NRXN2: variants seen among roughly 807,000 people sequenced by gnomAD.
The protein encoded by NRXN2 is neurexin 2.
In NRXN2, 29 loss-of-function variants were observed where a neutral mutation model predicts 128.8. The observed-to-expected ratio is 0.23, with a 90% confidence interval of 0.17 to 0.31. NRXN2 has a LOEUF of 0.31. Among genes scored for constraint, NRXN2 ranks in the 10% least tolerant of loss-of-function variants. The pLI is 1.00. For synonymous variants in NRXN2, 1,098 were observed against 1,075.2 expected, an observed-to-expected ratio of 1.02 and a Z score of -0.41; for missense variants, 1,881 against 2,452.6, an observed-to-expected ratio of 0.77 and a Z score of 4.92.
chr11:64,639,438 C>G (rs1418311775), intron 17 of NRXN2, among the ~76,000 whole-genome samples: 1 of 152,208 alleles, frequency 6.6e-6, no homozygotes. Context: ...AAGCTACTGA[C>G]TCAGAAATTA....
chr11:64,667,820 C>T lies in NRXN2; in HGVS notation c.1360-132G>A. 9 of 782,160 alleles carry T rather than the reference C, an allele frequency of 1.2e-5. No individual in the cohort carries two copies. The highest frequency in any genetic ancestry group is 1.7e-5 in the Non-Finnish European group (8 of 458,714). 48.5% of individuals were successfully genotyped at this position (782,160 alleles called of 1,614,324 possible). The stretch of plus-strand genomic sequence containing the variant: ...GCCCCTGCTCAGTTCCACCAGACCA[C>T]CCGCTTAGGCCTCTGTTCTACAGCT... On this transcript the variant is annotated intron_variant, in intron 8 of 22. Coordinates refer to ENST00000265459, the MANE Select transcript of NRXN2 (RefSeq NM_015080.4). This position sits in a 1 kb window ranked among gnomAD's most constrained non-coding sequence, Gnocchi z 5.6.
intron 9 of NRXN2, among the ~76,000 whole-genome samples, chr11:64,661,653 T>C (rs535392941): frequency 6.6e-5 from 10 of 152,178 alleles, no homozygotes; most frequent in Non-Finnish European, 1.3e-4. Context: ...TTTAAATATA[T>C]TATATCACTT....
At chr11:64,682,992 A>C (rs2052515495) in intron 6 of NRXN2, among the ~76,000 whole-genome samples, 1 of 152,148 alleles carries the variant, frequency 6.6e-6, no homozygotes, top group Admixed American at 6.5e-5. Context: ...GCCTCCTTCC[A>C]GTCTTTGGAG....
At position 64,713,662 on chromosome 11, in the gene NRXN2, G is replaced by A. The variant is rs537171549; in HGVS notation, c.38C>T (p.Pro13Leu). The change falls in exon 2 of 23, where the codon CCG becomes CTG. Residue 13 changes from proline (P) to leucine (L), a missense_variant. Pro to Leu is a moderately conservative substitution (Grantham distance 98). Coordinates refer to ENST00000265459, the MANE Select transcript of NRXN2 (RefSeq NM_015080.4). ...SGSRWRPTPP[P>L]LLLLLLLALA... ...CGCCAGCAGCAGCAGCAACAGCAGCGGCGGCGGTGTCGGCCGCCACCGGCT... is the reference window on the plus strand; with the variant it reads ...CGCCAGCAGCAGCAGCAACAGCAGCAGCGGCGGTGTCGGCCGCCACCGGCT... The A allele has an allele frequency of 7.5e-6, 9 of 1,194,752 alleles. No homozygotes were observed. Among genetic ancestry groups the A allele is most frequent in the Middle Eastern group, 3.3e-4 (1 of 2,988 alleles). The allele number at this position is 1,194,752 out of a possible 1,614,324, so 74.0% of individuals were successfully genotyped here. A position where few individuals can be genotyped will look rare whatever the true frequency, so the allele number is the denominator to read the frequency against.
chr11:64,621,793 G>T (rs1012981055), intron 21 of NRXN2, among the ~76,000 whole-genome samples: 1 of 152,178 alleles, frequency 6.6e-6, no homozygotes, highest in Non-Finnish European at 1.5e-5. Flanking sequence ...CTGTGCTAAC[G>T]GTCAGAGCAA....
At chr11:64,614,673 C>T (rs942131707) in intron 22 of NRXN2, among the ~76,000 whole-genome samples, 13 of 152,372 alleles carry the variant, frequency 8.5e-5, no homozygotes, top group African/African-American at 1.2e-4. Context: ...TAGCAGCACA[C>T]ATTGGCCTGT....
chr11:64,704,511 C>T (rs1210596040), intron 2 of NRXN2, among the ~76,000 whole-genome samples: 6 of 151,924 alleles, frequency 3.9e-5, no homozygotes, highest in Admixed American at 1.3e-4. Context: ...CTCATAGGAC[C>T]TCTCAGGCCC....
At chr11:64,684,520 C>T (rs973942037) in intron 6 of NRXN2, among the ~76,000 whole-genome samples, 1 of 152,048 alleles carries the variant, frequency 6.6e-6, no homozygotes, top group Non-Finnish European at 1.5e-5. Flanking sequence ...TTAGTCACTG[C>T]GTTCTCCTGG....
At chr11:64,699,551 C>T (rs534820178) in intron 2 of NRXN2, among the ~76,000 whole-genome samples, 56 of 148,648 alleles carry the variant, frequency 3.8e-4, no homozygotes, top group Non-Finnish European at 6.8e-4. Flanking sequence ...CTGCCTCAGC[C>T]TCCGGCATGC....
chr11:64,668,715 C>T, intron 7 of NRXN2, 111 bp from the exon 8 acceptor site: 1 of 1,205,964 alleles, frequency 8.3e-7, no homozygotes. Flanking sequence ...GGAGGGGGAC[C>T]CCCATTTTTA....
intron 22 of NRXN2, among the ~76,000 whole-genome samples, chr11:64,617,281 C>A (rs2041684638): frequency 6.6e-6 from 1 of 152,046 alleles, no homozygotes; most frequent in Non-Finnish European, 1.5e-5. Flanking sequence ...CATGTGCATA[C>A]AGACCCTGCC....
In NRXN2 at chr11:64,607,427, C is replaced by T. The variant is rs768691713; in HGVS notation, c.4908G>A (p.Thr1636=). 5 of 1,612,816 alleles carry T rather than the reference C, an allele frequency of 3.1e-6. No individual in the cohort carries two copies. Among genetic ancestry groups the T allele is most frequent in the Admixed American group, 1.7e-5 (1 of 59,998 alleles). Reference sequence around the variant, plus strand: ...CCGCCACAATGCCCACCACCATGCCCGTGGTGCTGCTGGACTCCCGGATCA... The same window carrying T: ...CCGCCACAATGCCCACCACCATGCCTGTGGTGCTGCTGGACTCCCGGATCA... ...VEVIRESSST[T]GMVVGIVAAA... is the part of the protein sequence containing the mutation. The change falls in exon 23 of 23, where the codon ACG becomes ACA. Residue 1636 remains threonine (T), a synonymous_variant. Transcript: ENST00000265459.
At position 64,648,126 on chromosome 11, in the gene NRXN2, T is replaced by C. The variant is rs2135443193; in HGVS notation, c.3403+93A>G. 2.6e-6 allele frequency: 4 copies of C among 1,558,084 alleles called. No individual in the cohort carries two copies. Among genetic ancestry groups the C allele is most frequent in the Middle Eastern group, 3.4e-4 (2 of 5,942 alleles). On this transcript the variant is annotated intron_variant, in intron 17 of 22. Transcript: ENST00000265459. This position sits in a 1 kb window ranked among gnomAD's most constrained non-coding sequence, Gnocchi z 4.1. ...AGGAAGAAGCAGCACAGCTCCTGAATGCTCAGAGGCCCTGTTTCCTCCCTG... is the reference window on the plus strand; with the variant it reads ...AGGAAGAAGCAGCACAGCTCCTGAACGCTCAGAGGCCCTGTTTCCTCCCTG...
chr11:64,607,915 C>A lies in NRXN2; in HGVS notation c.4420G>T (p.Gly1474Trp). The stretch of plus-strand genomic sequence containing the variant: ...TCCCGCTCGGCCTGGCACGGGCCCC[C>A]AGAGGGCGGGCGGCGCGCGGCGGGC... ...PPPAARRPPSGGPCQAERDDS... is the reference protein window; with the variant it reads ...PPPAARRPPSWGPCQAERDDS... Residue 1474 changes from glycine to tryptophan, a missense_variant, in exon 23 of 23, where the codon GGG (glycine) becomes TGG (tryptophan). Transcript: ENST00000265459. 6.4e-7 allele frequency: 1 copy of A among 1,560,828 alleles called. No individual in the cohort carries two copies. The highest frequency in any genetic ancestry group is 8.7e-7 in the Non-Finnish European group (1 of 1,153,940).
intron 9 of NRXN2, among the ~76,000 whole-genome samples, chr11:64,665,535 C>T (rs1453847305): frequency 1.3e-5 from 2 of 152,226 alleles, no homozygotes; most frequent in Non-Finnish European, 2.9e-5. Context: ...GGGAAGAATT[C>T]CTGGTGCTGT....
At chr11:64,688,922 T>TA (rs1422479454) in intron 5 of NRXN2, 42 of 462,814 alleles carry the variant, frequency 9.1e-5, no homozygotes, top group African/African-American at 8.6e-4. Context: ...ACTTGGCACT[T>TA]ACTGCCTAAT....
At chr11:64,650,755 G>C in intron 14 of NRXN2, 117 bp from the exon 15 acceptor site, 1 of 1,003,830 alleles carries the variant, frequency 1.0e-6, no homozygotes. Context: ...GGGATTGAAA[G>C]GGAGACCCCA....
intron 6 of NRXN2, among the ~76,000 whole-genome samples, chr11:64,677,312 C>T (rs1258815218): frequency 6.6e-6 from 1 of 152,092 alleles, no homozygotes; most frequent in Non-Finnish European, 1.5e-5. Context: ...TTCTTCTCCC[C>T]ATCCCTACCC....
rs1260470583 is a variant in NRXN2 at position 64,660,815 on chromosome 11, C to A, written c.2123G>T (p.Gly708Val). 1 of 1,614,058 alleles carries A rather than the reference C, an allele frequency of 6.2e-7. No homozygotes were observed. Among genetic ancestry groups the A allele is most frequent in the East Asian group, 2.2e-5 (1 of 44,882 alleles). The change falls in exon 10 of 23, where the codon GGC (glycine) becomes GTC (valine). Residue 708 changes from glycine (G) to valine (V), a missense_variant. Around this residue, in one of 7 missense-constraint regions of NRXN2, gnomAD observed 997 missense variants for 1,240.8 expected, o/e 0.80. Transcript: ENST00000265459. The surrounding 1 kb of genome is among the most constrained non-coding windows in gnomAD (Gnocchi z 5.2). The part of the protein sequence containing the change: ...PCRNGGVCRE[G>V]WNRFICDCIG... The stretch of plus-strand genomic sequence containing the variant: ...GCAGTCACAGATGAAGCGGTTCCAG[C>A]CTTCTCGACAGACGCCCCCATTGCG...
Sources: gnomAD v4.1 joint callset for allele counts (sites outside exome capture counted in the v4.1 genomes callset) on GRCh38, gnomAD v4.1.1 for gene constraint, gnomAD v4.1.1 regional missense constraint, Gnocchi (gnomAD v3.1) non-coding constraint, MANE v1.5 for transcripts, NCBI Gene and HGNC (gene_info 2026-07-23, HGNC 2026-07-21) for gene names.